AGPAT5: variants seen among roughly 807,000 people sequenced by gnomAD.
AGPAT5 encodes 1-acyl-sn-glycerol-3-phosphate acyltransferase epsilon.
Under a neutral mutation model 45.6 loss-of-function variants are expected in AGPAT5, and 46 were observed. The observed-to-expected ratio is 1.01, with a 90% CI of 0.80 to 1.29. The LOEUF is 1.29. AGPAT5 is among the 50% of genes most tolerant of loss of function. AGPAT5 has a pLI of 0.00. For missense variants in AGPAT5, 673 were observed against 450.7 expected (o/e 1.49, Z -4.47); for synonymous variants, 272 against 167.0 (o/e 1.63, Z -4.85).
chr8:6,756,330 C>G (rs915046885), intron 7 of AGPAT5, among the ~76,000 whole-genome samples: 10 of 151,978 alleles, frequency 6.6e-5, no homozygotes, highest in African/African-American at 2.4e-4. Context: ...ACCAAAAATA[C>G]TCAGAAAAAA....
chr8:6,746,715 C>A (rs1176815416), intron 5 of AGPAT5, among the ~76,000 whole-genome samples: 1 of 152,206 alleles, frequency 6.6e-6, no homozygotes. Context: ...TTGTGTGGGA[C>A]AGTCCCACCA....
intron 1 of AGPAT5, 61 bp downstream of exon 1, chr8:6,708,948 C>G: frequency 6.7e-7 from 1 of 1,485,002 alleles, no homozygotes; most frequent in Non-Finnish European, 9.1e-7. Flanking sequence ...GCGCGGACCT[C>G]TCCGCTCCCC....
intron 1 of AGPAT5, among the ~76,000 whole-genome samples, chr8:6,717,744 G>A (rs531684861): frequency 3.9e-5 from 6 of 152,102 alleles, no homozygotes; most frequent in Non-Finnish European, 8.8e-5. Flanking sequence ...CATTGCTTCC[G>A]GGCTTAATTT....
chr8:6,727,930 T>TA (rs1800741371), intron 2 of AGPAT5, among the ~76,000 whole-genome samples: 1 of 152,198 alleles, frequency 6.6e-6, no homozygotes, highest in Admixed American at 6.5e-5. Context: ...TCAGGCACCT[T>TA]ACAGAGGCTG....
At chr8:6,746,826 G>A (rs1801484876) in intron 5 of AGPAT5, among the ~76,000 whole-genome samples, 1 of 152,142 alleles carries the variant, frequency 6.6e-6, no homozygotes, top group Admixed American at 6.5e-5. Context: ...CACTTATTGA[G>A]AGCTACTGTT....
rs192339818 is a variant in AGPAT5 at position 6,740,221 on chromosome 8, C to A, written c.496-1440C>A. ...AAATAATCGTTTTATTTATAAATGACTGAGTTGAAAGCTGATAGCCCACAG... is the reference window on the plus strand; with the variant it reads ...AAATAATCGTTTTATTTATAAATGAATGAGTTGAAAGCTGATAGCCCACAG... On this transcript the variant is annotated intron_variant, in intron 4 of 7. Coordinates refer to ENST00000285518, the MANE Select transcript of AGPAT5 (RefSeq NM_018361.5). 1.7e-4 allele frequency among the ~76,000 whole-genome samples: 26 copies of A among 151,906 alleles called. 1 individual carries two copies. The highest frequency in any genetic ancestry group is 3.5e-4 in the Non-Finnish European group (24 of 67,906).
chr8:6,722,677 A>G (rs1428902103), intron 1 of AGPAT5, among the ~76,000 whole-genome samples: 1 of 152,256 alleles, frequency 6.6e-6, no homozygotes, highest in African/African-American at 2.4e-5. Context: ...ACTGGTCCGC[A>G]TCTAATTCAG....
At chr8:6,727,141 G>T (rs2116886618) in intron 2 of AGPAT5, among the ~76,000 whole-genome samples, 1 of 152,286 alleles carries the variant, frequency 6.6e-6, no homozygotes, top group South Asian at 2.1e-4. Flanking sequence ...AAAGACTGTT[G>T]TTCTGCTTAG....
intron 2 of AGPAT5, among the ~76,000 whole-genome samples, chr8:6,727,758 G>A (rs768715636): frequency 3.3e-5 from 5 of 152,126 alleles, no homozygotes; most frequent in Admixed American, 2.0e-4. Flanking sequence ...AACAGCATGC[G>A]TGGTGAGTAG....
chr8:6,736,233 G>A (rs986711637), intron 4 of AGPAT5, among the ~76,000 whole-genome samples: 1 of 152,134 alleles, frequency 6.6e-6, no homozygotes, highest in African/African-American at 2.4e-5. Flanking sequence ...ATAAACATTG[G>A]TACCACACTA....
intron 4 of AGPAT5, among the ~76,000 whole-genome samples, chr8:6,737,126 C>G (rs1801079579): frequency 6.6e-6 from 1 of 152,196 alleles, no homozygotes; most frequent in Non-Finnish European, 1.5e-5. Context: ...AAATTCCAGC[C>G]TTTTATGTTC....
intron 4 of AGPAT5, among the ~76,000 whole-genome samples, chr8:6,734,774 G>A (rs1361672416): frequency 6.6e-6 from 1 of 151,928 alleles, no homozygotes; most frequent in African/African-American, 2.4e-5. Context: ...TTAGTGTTGA[G>A]GAGTGGAGTC....
chr8:6,712,712 TGTTA>T (rs1479046434), intron 1 of AGPAT5, among the ~76,000 whole-genome samples: 1 of 152,232 alleles, frequency 6.6e-6, no homozygotes, highest in Non-Finnish European at 1.5e-5. Flanking sequence ...ACTAGATTTA[TGTTA>T]GTTTATAGCC....
chr8:6,726,420 C>G lies in AGPAT5; in HGVS notation c.289+1481C>G, dbSNP rs1357805762. ...TAAAATTCCTTCTTCAGTTTACCTG[C>G]CAGCTTTTCTTTGTCCAGGTTTCAG... On this transcript the variant is annotated intron_variant, in intron 2 of 7. Transcript: ENST00000285518. 2.0e-5 allele frequency among the ~76,000 whole-genome samples: 3 copies of G among 152,202 alleles called. No individual in the cohort carries two copies. In the East Asian group the frequency reaches 5.8e-4, roughly 29 times the overall value.
chr8:6,723,416 G>T (rs1194008071), intron 1 of AGPAT5, among the ~76,000 whole-genome samples: 1 of 152,100 alleles, frequency 6.6e-6, no homozygotes, highest in African/African-American at 2.4e-5. Flanking sequence ...TGAACTTCTG[G>T]GCTTAAGAGA....
At chr8:6,745,444 C>G (rs1801409622) in intron 5 of AGPAT5, among the ~76,000 whole-genome samples, 1 of 152,210 alleles carries the variant, frequency 6.6e-6, no homozygotes, top group African/African-American at 2.4e-5. Context: ...CCACTTCTCA[C>G]TTAACCACTG....
intron 7 of AGPAT5, among the ~76,000 whole-genome samples, chr8:6,755,869 A>C (rs930242466): frequency 6.6e-6 from 1 of 152,096 alleles, no homozygotes; most frequent in African/African-American, 2.4e-5. Context: ...TTTTTCATTG[A>C]CTCTTAACTG....
In AGPAT5 at chr8:6,754,440, A is replaced by G. The variant is rs370126192; in HGVS notation, c.746-611A>G. Among the ~76,000 whole-genome samples, 68 of 152,294 alleles carry G rather than the reference A, an allele frequency of 4.5e-4. No homozygotes were observed. In the East Asian group the frequency reaches 6.6e-3, roughly 15 times the overall value. ...ATGGCCAAGTTAGAGAGGAGGGGCA[A>G]TTGCTCCCCCAAGTTTGTTGTGGCT... On this transcript the variant is annotated intron_variant, in intron 6 of 7. Coordinates refer to ENST00000285518, the MANE Select transcript of AGPAT5 (RefSeq NM_018361.5).
chr8:6,747,525 C>T (rs1451296341), intron 5 of AGPAT5, 145 bp from the exon 6 acceptor site: 1 of 747,370 alleles, frequency 1.3e-6, no homozygotes, highest in Admixed American at 3.1e-5. Flanking sequence ...GCTTTCTAAA[C>T]TTAGAGCCCT....
Sources: gnomAD v4.1 joint callset for allele counts (sites outside exome capture counted in the v4.1 genomes callset) on GRCh38, gnomAD v4.1.1 for gene constraint, MANE v1.5 for transcripts, NCBI Gene and HGNC (gene_info 2026-07-23, HGNC 2026-07-21) for gene names.